DISC1: variants seen among roughly 807,000 people sequenced by gnomAD.
DISC1 encodes disrupted in schizophrenia 1 protein.
DISC1 carries 57 observed loss-of-function variants against 84.5 expected under a neutral mutation model. That is an observed-to-expected ratio of 0.67 (90% CI 0.55 to 0.84). The LOEUF (loss-of-function observed/expected upper bound fraction) is 0.84. DISC1 is among the 40% of genes least tolerant of loss of function. The pLI, the probability that DISC1 is intolerant of heterozygous loss-of-function variation, is 0.00. For synonymous variants in DISC1, 411 were observed against 415.2 expected, an observed-to-expected ratio of 0.99 and a Z score of 0.12; for missense variants, 1,000 against 1,057.8, an observed-to-expected ratio of 0.95 and a Z score of 0.76.
chr1:231,853,555 T>A (rs904019012), intron 9 of DISC1, among the ~76,000 whole-genome samples: 1 of 152,258 alleles, frequency 6.6e-6, no homozygotes, highest in Non-Finnish European at 1.5e-5. Context: ...ATACATGGTC[T>A]ATTGCTGATT....
At chr1:231,723,201 A>G in intron 3 of DISC1, 4 of 872,746 alleles carry the variant, frequency 4.6e-6, no homozygotes, top group Non-Finnish European at 5.5e-6. Flanking sequence ...TTTTTGATTC[A>G]TGTTGGATTA....
At chr1:231,934,163 C>T (rs1221187979) in intron 9 of DISC1, among the ~76,000 whole-genome samples, 1 of 152,188 alleles carries the variant, frequency 6.6e-6, no homozygotes, top group African/African-American at 2.4e-5. Flanking sequence ...GGTGACCGTG[C>T]AGCAATAGCT....
At chr1:231,846,108 C>T (rs1052472040) in intron 9 of DISC1, among the ~76,000 whole-genome samples, 17 of 152,044 alleles carry the variant, frequency 1.1e-4, no homozygotes, top group African/African-American at 3.6e-4. Context: ...ACGTTAGGGA[C>T]GTGGGAGGAC....
intron 1 of DISC1, among the ~76,000 whole-genome samples, chr1:231,640,224 G>C (rs1280046732): frequency 6.6e-6 from 1 of 152,082 alleles, no homozygotes; most frequent in Non-Finnish European, 1.5e-5. Context: ...TCCACTTCCA[G>C]TTCTTAGCCT....
Position 231,826,432 on chromosome 1 carries a change from G to T in DISC1, c.1981+7915G>T, listed in dbSNP as rs1195367596. Among the ~76,000 whole-genome samples, 1 of 151,966 alleles carries T rather than the reference G, an allele frequency of 6.6e-6. No individual in the cohort carries two copies. Among genetic ancestry groups the T allele is most frequent in the East Asian group, 1.9e-4 (1 of 5,180 alleles). On this transcript the variant is annotated intron_variant, in intron 9 of 12. Coordinates refer to ENST00000439617, the MANE Select transcript of DISC1 (RefSeq NM_018662.3). The surrounding 1 kb of genome is among the most constrained non-coding windows in gnomAD (Gnocchi z 4.2). ...TGATGTTGAACATCCTGAAAAGACG[G>T]GTATTTTTTTTTCATTTTTGAAGTT...
intron 9 of DISC1, among the ~76,000 whole-genome samples, chr1:231,888,121 G>A (rs912324785): frequency 1.3e-5 from 2 of 152,196 alleles, no homozygotes. Flanking sequence ...TCCATGATGG[G>A]AGTGATAATC....
intron 10 of DISC1, among the ~76,000 whole-genome samples, chr1:231,962,918 C>G (rs1660581842): frequency 6.6e-6 from 1 of 152,168 alleles, no homozygotes; most frequent in Non-Finnish European, 1.5e-5. Context: ...TCTTGTCAGT[C>G]TTGCCTCTTT....
At chr1:231,736,325 T>C (rs1025549268) in intron 3 of DISC1, among the ~76,000 whole-genome samples, 3 of 152,202 alleles carry the variant, frequency 2.0e-5, no homozygotes, top group Non-Finnish European at 4.4e-5. Flanking sequence ...TTGGGAAAAG[T>C]AATAGCAAAA....
intron 9 of DISC1, chr1:231,925,888 C>T (rs1017586516): frequency 6.6e-6 from 1 of 152,262 alleles, no homozygotes; most frequent in Non-Finnish European, 1.5e-5. Flanking sequence ...CTCAGAGCCT[C>T]AGAAGGAACC....
rs774223062 is a variant in DISC1 at position 231,826,338 on chromosome 1, C to T, written c.1981+7821C>T. ...CTCTATCCATCCCGCAACCTCATCA[C>T]CCTACCTAAATACCACACTCATAGA... On this transcript the variant is annotated intron_variant, in intron 9 of 12. Transcript: ENST00000439617. The surrounding 1 kb of genome is among the most constrained non-coding windows in gnomAD (Gnocchi z 4.2). Among the ~76,000 whole-genome samples the T allele has an allele frequency of 1.3e-5, 2 of 152,162 alleles. No individual in the cohort carries two copies. Among genetic ancestry groups the T allele is most frequent in the South Asian group, 4.1e-4 (2 of 4,836 alleles).
At chr1:231,704,738 C>T (rs533262737) in intron 3 of DISC1, among the ~76,000 whole-genome samples, 2 of 118,136 alleles carry the variant, frequency 1.7e-5, no homozygotes, top group African/African-American at 3.3e-5. Context: ...CCAGCCTGGG[C>T]GACAGAGCGA....
intron 11 of DISC1, among the ~76,000 whole-genome samples, chr1:232,024,349 C>A (rs1378263598): frequency 6.6e-6 from 1 of 152,072 alleles, no homozygotes; most frequent in Non-Finnish European, 1.5e-5. Flanking sequence ...CTATTTTATT[C>A]TAAGGTAGTT....
At chr1:231,970,486 G>A (rs1211498455) in intron 10 of DISC1, among the ~76,000 whole-genome samples, 1 of 152,192 alleles carries the variant, frequency 6.6e-6, no homozygotes, top group Non-Finnish European at 1.5e-5. Context: ...GTCTGGTGAG[G>A]GCCCTCTTCC....
intron 3 of DISC1, among the ~76,000 whole-genome samples, chr1:231,742,619 T>C (rs908454459): frequency 6.6e-6 from 1 of 151,502 alleles, no homozygotes; most frequent in East Asian, 1.9e-4. Flanking sequence ...AAAAAAAAAA[T>C]TTAAAAAGCA....
At chr1:231,807,184 T>C (rs1450234149) in intron 8 of DISC1, among the ~76,000 whole-genome samples, 1 of 152,254 alleles carries the variant, frequency 6.6e-6, no homozygotes, top group Non-Finnish European at 1.5e-5. Context: ...TATTGGGCCC[T>C]ACCTCTATCG....
intron 9 of DISC1, among the ~76,000 whole-genome samples, chr1:231,878,182 TCTGA>T (rs1574375376): frequency 6.6e-6 from 1 of 152,146 alleles, no homozygotes; most frequent in Non-Finnish European, 1.5e-5. Flanking sequence ...AGATAGGCAC[TCTGA>T]CTGCATGGCC....
At position 232,036,764 on chromosome 1, in the gene DISC1, A is replaced by G; in HGVS notation, c.2498A>G (p.Lys833Arg). 1 of 1,603,974 alleles carries G rather than the reference A, an allele frequency of 6.2e-7. No individual in the cohort carries two copies. The highest frequency in any genetic ancestry group is 8.5e-7 in the Non-Finnish European group (1 of 1,173,578). The change falls in exon 13 of 13, where the codon AAG becomes AGG. Residue 833 changes from lysine to arginine, a missense_variant. Physicochemically the swap from Lys to Arg is conservative, Grantham distance 26. This residue lies in a region of DISC1 where 397 missense variants were observed against 377.5 expected (regional missense o/e 1.05). Coordinates refer to ENST00000439617, the MANE Select transcript of DISC1 (RefSeq NM_018662.3). ...QAMILQLQPA[K>R]EAGEREAAAS... ...ATGATCCTGCAGCTCCAGCCAGCAA[A>G]GGAGGCGGGAGAAAGAGAAGCTGCA...
At chr1:231,667,737 A>G (rs1338916776) in intron 1 of DISC1, among the ~76,000 whole-genome samples, 1 of 152,206 alleles carries the variant, frequency 6.6e-6, no homozygotes, top group Admixed American at 6.5e-5. Flanking sequence ...TACTACTTTG[A>G]ACAGATTAGG....
At chr1:231,726,549 G>A (rs1463429991) in intron 3 of DISC1, among the ~76,000 whole-genome samples, 3 of 152,184 alleles carry the variant, frequency 2.0e-5, no homozygotes, top group African/African-American at 4.8e-5. Flanking sequence ...AAGCAGCGGG[G>A]CAACAGGGAA....
Sources: allele counts gnomAD v4.1 joint callset (sites outside exome capture counted in the v4.1 genomes callset), GRCh38; gene constraint gnomAD v4.1.1; regional missense constraint gnomAD v4.1.1; non-coding constraint Gnocchi (gnomAD v3.1); transcripts MANE v1.5; gene names NCBI Gene and HGNC (gene_info 2026-07-23, HGNC 2026-07-21).